Variants in WDR37 observed in about 807,000 individuals in gnomAD.
The protein encoded by WDR37 is WD repeat-containing protein 37.
WDR37 carries 19 observed loss-of-function variants against 62.9 expected under a neutral mutation model. The observed-to-expected ratio is 0.30, with a 90% CI of 0.21 to 0.44. The LOEUF (loss-of-function observed/expected upper bound fraction) is 0.44, where lower values mean the gene tolerates loss of function less well. WDR37 is among the 20% of genes least tolerant of loss of function. The pLI is 1.00. For missense variants in WDR37, 474 were observed against 657.6 expected, an observed-to-expected ratio of 0.72 and a Z score of 3.05; for synonymous variants, 250 against 260.9, an observed-to-expected ratio of 0.96 and a Z score of 0.40.
At chr10:1,117,573 G>A (rs977364686) in intron 11 of WDR37, among the ~76,000 whole-genome samples, 2 of 152,158 alleles carry the variant, frequency 1.3e-5, no homozygotes, top group South Asian at 4.1e-4. Flanking sequence ...TCTTTGAGAT[G>A]ACTGTAAGAC....
At position 1,124,224 on chromosome 10, in the gene WDR37, G is replaced by A; in HGVS notation, c.1110G>A (p.Val370=). Residue 370 remains valine (V), a synonymous_variant, in exon 12 of 14, where the codon GTG becomes GTA. Coordinates refer to ENST00000263150, the MANE Select transcript of WDR37 (RefSeq NM_014023.4). ...CTGTGCCCTTTGTTCATAGCACTGT[G>A]ACTTCTGCCGTGTTCACCGTGGGAG... The part of the protein sequence containing the change: ...VNVFQGHTDT[V]TSAVFTVGDN... 2 of 1,614,188 alleles carry A rather than the reference G, an allele frequency of 1.2e-6. No individual in the cohort carries two copies. The highest frequency in any genetic ancestry group is 8.5e-7 in the Non-Finnish European group (1 of 1,180,038).
chr10:1,065,080 A>G (rs919719641), intron 1 of WDR37, among the ~76,000 whole-genome samples: 1 of 152,252 alleles, frequency 6.6e-6, no homozygotes, highest in African/African-American at 2.4e-5. Context: ...CCAAACAGAA[A>G]GGAAATGACA....
At chr10:1,084,025 T>G (rs956541905) in intron 5 of WDR37, among the ~76,000 whole-genome samples, 10 of 152,254 alleles carry the variant, frequency 6.6e-5, no homozygotes, top group Non-Finnish European at 1.2e-4. Context: ...GACTTTTTTG[T>G]ATCTGAGTGG....
At chr10:1,104,593 A>G (rs1380896250) in intron 10 of WDR37, among the ~76,000 whole-genome samples, 1 of 152,214 alleles carries the variant, frequency 6.6e-6, no homozygotes, top group Admixed American at 6.5e-5. Flanking sequence ...CTTATAATGT[A>G]TCATAATTAC....
At chr10:1,066,289 G>C (rs940803209) in intron 1 of WDR37, among the ~76,000 whole-genome samples, 5 of 152,198 alleles carry the variant, frequency 3.3e-5, no homozygotes, top group Non-Finnish European at 5.9e-5. Context: ...CTAATTTTTT[G>C]TATTTTTTAG....
chr10:1,097,865 CTTG>C (rs1314540358), intron 9 of WDR37, among the ~76,000 whole-genome samples: 1 of 152,162 alleles, frequency 6.6e-6, no homozygotes, highest in Admixed American at 6.5e-5. Context: ...GAACATGTAA[CTTG>C]TTTGGGTTCC....
intron 3 of WDR37, 69 bp downstream of exon 3, chr10:1,078,072 T>G: frequency 8.3e-7 from 1 of 1,199,222 alleles, no homozygotes; most frequent in African/African-American, 1.5e-5. Flanking sequence ...TGAATAGACA[T>G]TCATCACTAT....
At chr10:1,126,874 G>A (rs1352597157) in intron 13 of WDR37, among the ~76,000 whole-genome samples, 1 of 152,198 alleles carries the variant, frequency 6.6e-6, no homozygotes. Context: ...GTTAATTATT[G>A]AGTTTTTACT....
At chr10:1,057,252 G>T (rs941141494) in intron 1 of WDR37, among the ~76,000 whole-genome samples, 1 of 151,322 alleles carries the variant, frequency 6.6e-6, no homozygotes, top group African/African-American at 2.4e-5. Context: ...AGAGGGACCA[G>T]GGTGCGGGAG....
chr10:1,079,697 G>T (rs1833971540), intron 3 of WDR37, among the ~76,000 whole-genome samples: 1 of 152,014 alleles, frequency 6.6e-6, no homozygotes, highest in Non-Finnish European at 1.5e-5. Flanking sequence ...ACCACGCCCG[G>T]CTATTTTTTG....
chr10:1,083,547 C>T (rs1248147984), intron 5 of WDR37, among the ~76,000 whole-genome samples: 1 of 152,164 alleles, frequency 6.6e-6, no homozygotes, highest in Non-Finnish European at 1.5e-5. Flanking sequence ...CTACATTATT[C>T]TGATTTACTT....
chr10:1,078,767 G>T (rs1251955268), intron 3 of WDR37, among the ~76,000 whole-genome samples: 1 of 152,146 alleles, frequency 6.6e-6, no homozygotes, highest in Non-Finnish European at 1.5e-5. Context: ...TTCCCACCTT[G>T]GCCTCCCAAA....
At chr10:1,080,197 G>A in intron 4 of WDR37, 91 bp downstream of exon 4, 1 of 1,455,820 alleles carries the variant, frequency 6.9e-7, no homozygotes, top group South Asian at 1.2e-5. Context: ...TTTGCGTTTT[G>A]CTGTCAGCAG....
At position 1,103,537 on chromosome 10, in the gene WDR37, A is replaced by G. The variant is rs1174674234; in HGVS notation, c.727-65A>G. The G allele has an allele frequency of 1.8e-5, 27 of 1,519,162 alleles. No homozygotes were observed. The African/African-American group carries it at 2.7e-4, about 15-fold the overall frequency. 94.1% of individuals were successfully genotyped at this position (1,519,162 alleles called of 1,614,324 possible). ...AATGAGAACCATCTATTTTGTAGCT[A>G]TGTCAGAAGAAACTCAAGATTTCCA... On this transcript the variant is annotated intron_variant, in intron 9 of 13. Transcript: ENST00000263150. The surrounding 1 kb of genome is among the most constrained non-coding windows in gnomAD (Gnocchi z 6.3).
At chr10:1,099,856 T>C (rs544449065) in intron 9 of WDR37, among the ~76,000 whole-genome samples, 2 of 150,382 alleles carry the variant, frequency 1.3e-5, no homozygotes, top group African/African-American at 4.9e-5. Context: ...TGAGCATTGA[T>C]GCTCAGGAAA....
rs1235447890 is a variant in WDR37 at position 1,105,926 on chromosome 10, G to C, written c.1103+659G>C. Among the ~76,000 whole-genome samples, 2 of 151,936 alleles carry C rather than the reference G, an allele frequency of 1.3e-5. No homozygotes were observed. The highest frequency in any genetic ancestry group is 2.9e-5 in the Non-Finnish European group (2 of 67,964). ...TCAGCCTCCCGAGTAGCTGGGACTAGAGGCACCTGCCACCACGCCTGGCTA... is the reference window on the plus strand; with the variant it reads ...TCAGCCTCCCGAGTAGCTGGGACTACAGGCACCTGCCACCACGCCTGGCTA... On this transcript the variant is annotated intron_variant, in intron 11 of 13. Coordinates refer to ENST00000263150, the MANE Select transcript of WDR37 (RefSeq NM_014023.4). This position sits in a 1 kb window ranked among gnomAD's most constrained non-coding sequence, Gnocchi z 5.3.
chr10:1,060,862 G>A (rs972801497), intron 1 of WDR37, among the ~76,000 whole-genome samples: 2 of 152,230 alleles, frequency 1.3e-5, no homozygotes, highest in African/African-American at 4.8e-5. Flanking sequence ...TTGTGTTACA[G>A]TTGTCTGCAG....
rs756713314 is a variant in WDR37 at position 1,114,165 on chromosome 10, C to T, written c.1103+8898C>T. 5.8e-4 allele frequency among the ~76,000 whole-genome samples: 89 copies of T among 152,224 alleles called. No individual in the cohort carries two copies. The Middle Eastern group carries it at 0.01, about 17-fold the overall frequency. ...AGAGACAGGGTTTCACCACATCGGC[C>T]AAGCTGGTCTCAAACTGCTAACCTC... On this transcript the variant is annotated intron_variant, in intron 11 of 13. Transcript: ENST00000263150.
At chr10:1,123,242 T>C (rs2131691181) in intron 11 of WDR37, among the ~76,000 whole-genome samples, 1 of 152,360 alleles carries the variant, frequency 6.6e-6, no homozygotes, top group East Asian at 1.9e-4. Context: ...CTCAAACTTT[T>C]TAAGATAAAG....
Sources: allele counts gnomAD v4.1 joint callset (sites outside exome capture counted in the v4.1 genomes callset), GRCh38; gene constraint gnomAD v4.1.1; non-coding constraint Gnocchi (gnomAD v3.1); transcripts MANE v1.5; gene names NCBI Gene and HGNC (gene_info 2026-07-23, HGNC 2026-07-21).